FBXL17: variants seen among roughly 807,000 people sequenced by gnomAD.
FBXL17 encodes F-box/LRR-repeat protein 17.
In FBXL17, 22 loss-of-function variants were observed where a neutral mutation model predicts 66.2. That is an observed-to-expected ratio of 0.33 (90% CI 0.24 to 0.47). The LOEUF is 0.47. Among genes scored for constraint, FBXL17 ranks in the 20% least tolerant of loss-of-function variants. The probability of loss-of-function intolerance (pLI) is 1.00; values close to 1 mark genes in which losing one functional copy is unlikely to be tolerated. For missense variants in FBXL17, 878 were observed against 948.2 expected, an observed-to-expected ratio of 0.93 and a Z score of 0.97; for synonymous variants, 474 against 400.5, an observed-to-expected ratio of 1.18 and a Z score of -2.19.
At chr5:108,025,401 G>A (rs1781736093) in intron 6 of FBXL17, among the ~76,000 whole-genome samples, 1 of 152,042 alleles carries the variant, frequency 6.6e-6, no homozygotes, top group Non-Finnish European at 1.5e-5. Flanking sequence ...AAACACAAAT[G>A]CAACAAGACA....
chr5:107,903,995 C>T (rs1008557918), intron 7 of FBXL17, among the ~76,000 whole-genome samples: 1 of 152,140 alleles, frequency 6.6e-6, no homozygotes, highest in Non-Finnish European at 1.5e-5. Context: ...TCTATAGTTA[C>T]ATATTTATGA....
intron 6 of FBXL17, among the ~76,000 whole-genome samples, chr5:108,088,864 G>A (rs1749078753): frequency 6.6e-6 from 1 of 151,774 alleles, no homozygotes; most frequent in South Asian, 2.1e-4. Context: ...ACACAGATAA[G>A]CATAGTTCAC....
intron 4 of FBXL17, among the ~76,000 whole-genome samples, chr5:108,252,037 A>G (rs917601108): frequency 6.6e-6 from 1 of 152,106 alleles, no homozygotes; most frequent in East Asian, 1.9e-4. Flanking sequence ...TAACCATGAT[A>G]AGATCTGTAT....
chr5:107,873,237 A>G (rs867915502), intron 8 of FBXL17, among the ~76,000 whole-genome samples: 1 of 152,234 alleles, frequency 6.6e-6, no homozygotes, highest in Non-Finnish European at 1.5e-5. Flanking sequence ...GCTGTCATTT[A>G]AAAATAAATA....
intron 7 of FBXL17, among the ~76,000 whole-genome samples, chr5:107,896,356 G>A (rs1026352290): frequency 2.6e-5 from 4 of 152,094 alleles, no homozygotes; most frequent in African/African-American, 9.7e-5. Flanking sequence ...GAAAGTCCTT[G>A]TCTTCACTTT....
chr5:108,320,046 G>A lies in FBXL17; in HGVS notation c.1506+28353C>T, dbSNP rs542446843. Among the ~76,000 whole-genome samples the A allele has an allele frequency of 5.9e-5, 9 of 151,742 alleles. No homozygotes were observed. The East Asian group carries it at 1.7e-3, about 29-fold the overall frequency. ...AAAAAACATTTTCTAAGATGATGAGGTCCTCCTTTAGAACATTTAGCATTA... is the reference window on the plus strand; with the variant it reads ...AAAAAACATTTTCTAAGATGATGAGATCCTCCTTTAGAACATTTAGCATTA... On this transcript the variant is annotated intron_variant, in intron 4 of 8. Coordinates refer to ENST00000542267, the MANE Select transcript of FBXL17 (RefSeq NM_001163315.3).
At chr5:108,299,648 T>C (rs1758498652) in intron 4 of FBXL17, 5 of 975,114 alleles carry the variant, frequency 5.1e-6, no homozygotes, top group Non-Finnish European at 4.9e-6. Context: ...TAATAAAAAT[T>C]AAAATTAAAA....
intron 5 of FBXL17, among the ~76,000 whole-genome samples, chr5:108,222,389 C>G (rs761520340): frequency 4.6e-5 from 7 of 152,078 alleles, no homozygotes; most frequent in Non-Finnish European, 7.4e-5. Context: ...ATTCATCTAC[C>G]AAGATGTTCA....
chr5:108,269,005 ACAAAGCAAAGGG>A lies in FBXL17; in HGVS notation c.1507-44789_1507-44778del, dbSNP rs1326450266. On this transcript the variant is annotated intron_variant, in intron 4 of 8. Transcript: ENST00000542267. Reference sequence around the variant, plus strand: ...AAGAGTAGTAAATTATGAAAATATAACAAAGCAAAGGGACTTCAGTTAGGGTGGTTATTTTAG... The same window carrying A: ...AAGAGTAGTAAATTATGAAAATATAAACTTCAGTTAGGGTGGTTATTTTAG... Among the ~76,000 whole-genome samples, 559 of 152,256 alleles carry A rather than the reference ACAAAGCAAAGGG, an allele frequency of 3.7e-3. 3 individuals are homozygous for A. Among genetic ancestry groups the A allele is most frequent in the Non-Finnish European group, 6.2e-3 (424 of 67,950 alleles).
chr5:107,999,787 TG>T (rs1276354633), intron 7 of FBXL17, among the ~76,000 whole-genome samples: 1 of 152,168 alleles, frequency 6.6e-6, no homozygotes, highest in East Asian at 1.9e-4. Flanking sequence ...AAACACTTAC[TG>T]GTTGATTGAA....
At position 108,154,698 on chromosome 5, in the gene FBXL17, T is replaced by C. The variant is rs927809070; in HGVS notation, c.1745+31419A>G. On this transcript the variant is annotated intron_variant, in intron 6 of 8. Transcript: ENST00000542267. Reference sequence around the variant, plus strand: ...GTATATATATACACATATATATGTATATACATATATATGTGTATATATATG... The same window carrying C: ...GTATATATATACACATATATATGTACATACATATATATGTGTATATATATG... Among the ~76,000 whole-genome samples, 7 of 143,708 alleles carry C rather than the reference T, an allele frequency of 4.9e-5. No homozygotes were observed. In the Admixed American group the frequency reaches 4.9e-4, roughly 10 times the overall value. 94.3% of individuals were successfully genotyped at this position (143,708 alleles called of 152,430 possible). A position where few individuals can be genotyped will look rare whatever the true frequency, so the allele number is the denominator to read the frequency against.
intron 8 of FBXL17, among the ~76,000 whole-genome samples, chr5:107,871,069 A>AACAAAAAAAAAAAC (rs1554080839): frequency 2.3e-5 from 3 of 130,234 alleles, no homozygotes; most frequent in East Asian, 4.1e-4. Flanking sequence ...AAAAAAAAAA[A>AACAAAAAAAAAAAC]AAAAAAAAAA....
Position 108,288,606 on chromosome 5 carries a change from G to A in FBXL17, c.1506+59793C>T, listed in dbSNP as rs538175024. Among the ~76,000 whole-genome samples, 39 of 151,848 alleles carry A rather than the reference G, an allele frequency of 2.6e-4. No homozygotes were observed. In the South Asian group the frequency reaches 6.9e-3, roughly 27 times the overall value. On this transcript the variant is annotated intron_variant, in intron 4 of 8. Transcript: ENST00000542267. ...TATAAATATATTGGAAGGATGGGAA[G>A]AGAAAAAAACAGAAAATGATGGAAG...
At chr5:108,218,630 G>A (rs1754714007) in intron 5 of FBXL17, among the ~76,000 whole-genome samples, 1 of 152,058 alleles carries the variant, frequency 6.6e-6, no homozygotes, top group Non-Finnish European at 1.5e-5. Context: ...TCTAACAAGT[G>A]TAAGGTGATA....
At chr5:107,905,160 G>C (rs1180520115) in intron 7 of FBXL17, among the ~76,000 whole-genome samples, 1 of 151,992 alleles carries the variant, frequency 6.6e-6, no homozygotes, top group Non-Finnish European at 1.5e-5. Flanking sequence ...TATAGTCTAA[G>C]AGATGAGAAA....
intron 6 of FBXL17, among the ~76,000 whole-genome samples, chr5:108,048,322 C>A (rs1005429686): frequency 2.0e-5 from 3 of 152,162 alleles, no homozygotes; most frequent in African/African-American, 7.2e-5. Flanking sequence ...GTCTCAAAGA[C>A]TGAAACTAGA....
intron 4 of FBXL17, among the ~76,000 whole-genome samples, chr5:108,336,657 TAA>T (rs1438157768): frequency 6.6e-6 from 1 of 152,096 alleles, no homozygotes; most frequent in Non-Finnish European, 1.5e-5. Context: ...TTAAAGACAT[TAA>T]GTTTCAAAAT....
chr5:108,032,693 G>T (rs1372274349), intron 6 of FBXL17, among the ~76,000 whole-genome samples: 1 of 152,196 alleles, frequency 6.6e-6, no homozygotes, highest in African/African-American at 2.4e-5. Context: ...CCAGACAGGG[G>T]ATGACACCCT....
chr5:108,318,249 A>T (rs17161232), intron 4 of FBXL17, among the ~76,000 whole-genome samples: 20,912 of 151,678 alleles, frequency 0.14, 1,700 homozygotes, highest in South Asian at 0.33. Flanking sequence ...CAGAACAATA[A>T]TACACCCAGT....
Sources: allele counts gnomAD v4.1 joint callset (sites outside exome capture counted in the v4.1 genomes callset), GRCh38; gene constraint gnomAD v4.1.1; transcripts MANE v1.5; gene names NCBI Gene and HGNC (gene_info 2026-07-23, HGNC 2026-07-21).